Variants in RTEL1 observed in about 807,000 individuals in gnomAD.
RTEL1 encodes the protein regulator of telomere elongation helicase 1.
A neutral mutation model predicts 162.2 loss-of-function variants in RTEL1; 86 were observed. The ratio of observed to expected loss-of-function variants is 0.53; its 90% CI spans 0.45 to 0.63. The LOEUF (loss-of-function observed/expected upper bound fraction) is 0.63. Among genes scored for constraint, RTEL1 ranks in the 30% least tolerant of loss-of-function variants. The pLI, the probability that RTEL1 is intolerant of heterozygous loss-of-function variation, is 0.00. For synonymous variants in RTEL1, 958 were observed against 717.9 expected, an observed-to-expected ratio of 1.33 and a Z score of -5.35; for missense variants, 1,941 against 1,750.2, an observed-to-expected ratio of 1.11 and a Z score of -1.95.
At chr20:63,692,182 T>C (rs771254382) in intron 28 of RTEL1, 14 of 247,890 alleles carry the variant, frequency 5.6e-5, no homozygotes, top group Non-Finnish European at 8.7e-5. Context: ...AACGGAGTTA[T>C]AGCCGGAGCC....
chr20:63,672,270 C>T (rs1029881267), intron 8 of RTEL1, among the ~76,000 whole-genome samples: 1 of 152,180 alleles, frequency 6.6e-6, no homozygotes, highest in African/African-American at 2.4e-5. Context: ...TCTGTGGCTT[C>T]CTGACTGCGG....
chr20:63,659,809 C>CA (rs2089981796), intron 2 of RTEL1, among the ~76,000 whole-genome samples: 1 of 140,170 alleles, frequency 7.1e-6, no homozygotes, highest in Non-Finnish European at 1.5e-5. Context: ...AGGGGACCGG[C>CA]GCTCAGCATA....
chr20:63,680,932 C>T lies in RTEL1; in HGVS notation c.1191+213C>T, dbSNP rs2090465930. On this transcript the variant is annotated intron_variant, in intron 14 of 34. Transcript: ENST00000360203. ...TGGGGGAGGACGAGGTCTGGTGGCA[C>T]ATGCCCAGGGTGATGCTGGTGAGGG... The T allele has an allele frequency of 4.1e-6, 4 of 985,294 alleles. No homozygotes were observed. The African/African-American group carries it at 7.0e-5, about 17-fold the overall frequency. The allele number at this position is 985,294 out of a possible 1,614,324, so 61.0% of individuals were successfully genotyped here. A position where few individuals can be genotyped will look rare whatever the true frequency, so the allele number is the denominator to read the frequency against.
At chr20:63,675,814 C>G (rs192726317) in intron 10 of RTEL1, among the ~76,000 whole-genome samples, 1 of 152,350 alleles carries the variant, frequency 6.6e-6, no homozygotes, top group Non-Finnish European at 1.5e-5. Flanking sequence ...CCATCCTTCG[C>G]TTGGCGCAGG....
At chr20:63,694,225 C>A in intron 30 of RTEL1, 147 bp from the exon 31 acceptor site, 1 of 697,686 alleles carries the variant, frequency 1.4e-6, no homozygotes, top group East Asian at 2.5e-5. Context: ...CTGATGCCCC[C>A]AGCACCCAGG....
chr20:63,665,886 G>T, intron 6 of RTEL1, 118 bp from the exon 7 acceptor site: 1 of 865,946 alleles, frequency 1.2e-6, no homozygotes, highest in South Asian at 1.8e-5. Flanking sequence ...TTCACGGTTG[G>T]TGGGGGACGC....
At chr20:63,683,180 G>A (rs2090512726) in intron 14 of RTEL1, among the ~76,000 whole-genome samples, 1 of 152,146 alleles carries the variant, frequency 6.6e-6, no homozygotes, top group Admixed American at 6.5e-5. Flanking sequence ...TTCCCAGGCT[G>A]GTCTCAAACT....
intron 14 of RTEL1, among the ~76,000 whole-genome samples, chr20:63,682,971 G>A (rs1218017993): frequency 3.9e-5 from 6 of 152,112 alleles, no homozygotes; most frequent in African/African-American, 1.2e-4. Flanking sequence ...GATTTGTGGT[G>A]GTGTTTTTTT....
At chr20:63,693,368 C>A (rs907740123) in intron 30 of RTEL1, 85 bp downstream of exon 30, 2 of 1,534,624 alleles carry the variant, frequency 1.3e-6, no homozygotes, top group Non-Finnish European at 1.8e-6. Context: ...GGGTGGGCAT[C>A]CTCGGGCCCT....
At position 63,695,071 on chromosome 20, in the gene RTEL1, A is replaced by G. The variant is rs1186126394; in HGVS notation, c.3349A>G (p.Ser1117Gly). ...CTGATTGAAGCTCCCCGCAGGGTTCAGCATGTTTGTGCGTCCACACCACAA... is the reference window on the plus strand; with the variant it reads ...CTGATTGAAGCTCCCCGCAGGGTTCGGCATGTTTGTGCGTCCACACCACAA... Reference protein sequence around the residue: ...PEDFPLLHRFSMFVRPHHKQR... With the variant: ...PEDFPLLHRFGMFVRPHHKQR... Residue 1117 changes from serine to glycine, a missense_variant, in exon 33 of 35, where the codon AGC (serine) becomes GGC (glycine). Ser to Gly is a moderately conservative substitution (Grantham distance 56, BLOSUM62 0). Transcript: ENST00000360203. 1.5e-5 allele frequency: 24 copies of G among 1,612,088 alleles called. No individual in the cohort carries two copies. In the East Asian group the frequency reaches 4.2e-4, roughly 28 times the overall value.
rs200453782 is a variant in RTEL1, at chr20:63,694,510, T to G, written c.3109+22T>G. ...ACAGGTAGCTGACTCCTGAACCGTG[T>G]GCAGCCTACGACTTGGTGGGTCCCT... On this transcript the variant is annotated intron_variant, in intron 31 of 34. Coordinates refer to ENST00000360203, the MANE Select transcript of RTEL1 (RefSeq NM_001283009.2). 6.3e-5 allele frequency: 98 copies of G among 1,554,100 alleles called. No individual in the cohort carries two copies. In the African/African-American group the frequency reaches 1.2e-3, roughly 19 times the overall value.
rs969528825 is a variant in RTEL1 at position 63,689,023 on chromosome 20, T to C, written c.1801-32T>C. ...GGGGAGGAAGGGGCTGGGGGGGGGCTCCAGGCTCAGCCTCACCAACTTTCC... is the reference window on the plus strand; with the variant it reads ...GGGGAGGAAGGGGCTGGGGGGGGGCCCCAGGCTCAGCCTCACCAACTTTCC... On this transcript the variant is annotated intron_variant, in intron 21 of 34. Transcript: ENST00000360203. 3.2e-6 allele frequency: 5 copies of C among 1,582,880 alleles called. No homozygotes were observed. In the South Asian group the frequency reaches 5.5e-5, roughly 17 times the overall value.
At chr20:63,659,032 C>T (rs540708267) in intron 1 of RTEL1, among the ~76,000 whole-genome samples, 2 of 152,342 alleles carry the variant, frequency 1.3e-5, no homozygotes, top group South Asian at 4.1e-4. Flanking sequence ...GCGTCTTTTC[C>T]AGAGAAGGAC....
In RTEL1 at chr20:63,684,887, G is replaced by GT. The variant is rs368241569; in HGVS notation, c.1192-626dup. On this transcript the variant is annotated intron_variant, in intron 14 of 34. Transcript: ENST00000360203. ...TTTGACTAGAATGTGTTGAATTCCT[G>GT]TTTTTTTTTTGAGTCAGGGTCTCTC... Among the ~76,000 whole-genome samples the GT allele has an allele frequency of 8.3e-3, 1,217 of 146,772 alleles. 22 individuals are homozygous for GT. Among genetic ancestry groups the GT allele is most frequent in the African/African-American group, 0.028 (1,109 of 40,012 alleles).
At chr20:63,662,673 T>G (rs1024696986) in intron 5 of RTEL1, 46 bp downstream of exon 5, 1 of 1,610,944 alleles carries the variant, frequency 6.2e-7, no homozygotes, top group African/African-American at 1.3e-5. Flanking sequence ...GACAGGCGAG[T>G]GCTGCTGGGT....
rs750272281 is a variant in RTEL1, at chr20:63,678,313, C to G, written c.1004C>G (p.Pro335Arg). ...GGGGCCATCGATGCTGTTGAGCTGC[C>G]TGGAGACGACAGCGGTGTCACCAAG... ...LEGAIDAVEL[P>R]GDDSGVTKPG... The change falls in exon 12 of 35, where the codon CCT becomes CGT. Residue 335 changes from proline (P) to arginine (R), a missense_variant. Transcript: ENST00000360203. 17 of 1,613,068 alleles carry G rather than the reference C, an allele frequency of 1.1e-5. No individual in the cohort carries two copies. The East Asian group carries it at 3.8e-4, about 36-fold the overall frequency.
rs1444368571 is a variant in RTEL1, at chr20:63,689,149, C to T, written c.1878+17C>T. The stretch of plus-strand genomic sequence containing the variant: ...CGGGGCAAGGTGAGCTCTCCAGGGC[C>T]CTCTGCCCTGACCTGGTTGCCTGTT... On this transcript the variant is annotated intron_variant, in intron 22 of 34. Coordinates refer to ENST00000360203, the MANE Select transcript of RTEL1 (RefSeq NM_001283009.2). 3.7e-6 allele frequency: 6 copies of T among 1,604,768 alleles called. No individual in the cohort carries two copies. The highest frequency in any genetic ancestry group is 2.2e-5 in the East Asian group (1 of 44,878).
chr20:63,693,705 TCCA>T lies in RTEL1; in HGVS notation c.2992+434_2992+436del, dbSNP rs1568721555. Among the ~76,000 whole-genome samples, 7 of 4,144 alleles carry T rather than the reference TCCA, an allele frequency of 1.7e-3. 1 individual carries two copies. The highest frequency in any genetic ancestry group is 6.4e-3 in the East Asian group (1 of 156). 2.7% of individuals were successfully genotyped at this position (4,144 alleles called of 152,430 possible). On this transcript the variant is annotated intron_variant, in intron 30 of 34. Transcript: ENST00000360203. ...CACCACCACCACCACCACCACCACCTCCACCACCACCACCTGCACCACCACCTC... is the reference window on the plus strand; with the variant it reads ...CACCACCACCACCACCACCACCACCTCCACCACCACCTGCACCACCACCTC...
Position 63,690,122 on chromosome 20 carries a change from C to A in RTEL1, c.2177C>A (p.Ser726Tyr). 6.2e-7 allele frequency: 1 copy of A among 1,612,352 alleles called. No individual in the cohort carries two copies. Among genetic ancestry groups the A allele is most frequent in the Non-Finnish European group, 8.5e-7 (1 of 1,179,834 alleles). ...AFADARAQLP[S>Y]WVRPHVRVYD... Reference sequence around the variant, plus strand: ...GCCGACGCAAGAGCCCAACTGCCCTCCTGGGTGCGTCCCCACGTCAGGGTG... The same window carrying A: ...GCCGACGCAAGAGCCCAACTGCCCTACTGGGTGCGTCCCCACGTCAGGGTG... The change falls in exon 25 of 35, where the codon TCC becomes TAC. Residue 726 changes from serine (S) to tyrosine (Y), a missense_variant. By Grantham distance (144) the Ser-to-Tyr change is moderately radical (BLOSUM62 -2). Transcript: ENST00000360203.
Sources: allele counts gnomAD v4.1 joint callset (sites outside exome capture counted in the v4.1 genomes callset), GRCh38; gene constraint gnomAD v4.1.1; transcripts MANE v1.5; gene names NCBI Gene and HGNC (gene_info 2026-07-23, HGNC 2026-07-21).